The following CDH2 variants were observed in gnomAD, a reference collection of about 807,000 sequenced individuals.
CDH2 encodes the protein cadherin-2.
CDH2 carries 17 observed loss-of-function variants against 92.0 expected under a neutral mutation model. That is an observed-to-expected ratio of 0.18 (90% CI 0.13 to 0.28). The LOEUF (loss-of-function observed/expected upper bound fraction) is 0.28. Ranked by LOEUF, CDH2 falls within the 10% of genes least tolerant of loss-of-function variation. CDH2 has a pLI of 1.00. For synonymous variants in CDH2, 419 were observed against 415.9 expected, an observed-to-expected ratio of 1.01 and a Z score of -0.09; for missense variants, 862 against 1,133.1, an observed-to-expected ratio of 0.76 and a Z score of 3.44.
intron 2 of CDH2, among the ~76,000 whole-genome samples, chr18:28,029,489 T>C (rs2013639527): frequency 6.6e-6 from 1 of 152,074 alleles, no homozygotes; most frequent in Non-Finnish European, 1.5e-5. Flanking sequence ...TTCCCTCTCT[T>C]TGTTATACCC....
At chr18:28,080,871 T>C (rs1018232571) in intron 2 of CDH2, among the ~76,000 whole-genome samples, 1 of 152,206 alleles carries the variant, frequency 6.6e-6, no homozygotes, top group African/African-American at 2.4e-5. Flanking sequence ...CCAGATTTCC[T>C]GTGATATACA....
At chr18:28,173,810 CATTG>C (rs2016498118) in intron 1 of CDH2, among the ~76,000 whole-genome samples, 1 of 152,090 alleles carries the variant, frequency 6.6e-6, no homozygotes, top group Non-Finnish European at 1.5e-5. Flanking sequence ...GTAAAAGCAA[CATTG>C]ATTTTTTTTC....
At chr18:28,141,970 T>A (rs1213233245) in intron 2 of CDH2, among the ~76,000 whole-genome samples, 1 of 151,974 alleles carries the variant, frequency 6.6e-6, no homozygotes, top group Non-Finnish European at 1.5e-5. Context: ...TGACATTTGC[T>A]CAGACCATCC....
chr18:27,938,540 TTTTC>T (rs1353682679), intron 6 of CDH2, among the ~76,000 whole-genome samples: 2 of 152,174 alleles, frequency 1.3e-5, no homozygotes, highest in African/African-American at 4.8e-5. Flanking sequence ...TGGATTATCT[TTTTC>T]AATCAAAAGC....
intron 2 of CDH2, among the ~76,000 whole-genome samples, chr18:28,137,643 T>C (rs2015885740): frequency 6.6e-6 from 1 of 151,974 alleles, no homozygotes; most frequent in Non-Finnish European, 1.5e-5. Context: ...CCATAAGGGA[T>C]CTTTGTTCTA....
chr18:28,125,641 T>G (rs2015664652), intron 2 of CDH2, among the ~76,000 whole-genome samples: 1 of 152,172 alleles, frequency 6.6e-6, no homozygotes, highest in African/African-American at 2.4e-5. Flanking sequence ...TAAAAACCCC[T>G]AAATCATCAT....
At chr18:27,999,149 C>T (rs535476903) in intron 7 of CDH2, among the ~76,000 whole-genome samples, 6 of 152,174 alleles carry the variant, frequency 3.9e-5, no homozygotes, top group South Asian at 2.1e-4. Context: ...GCAGAGGAAA[C>T]GGGAACAGAA....
At chr18:27,950,536 G>C (rs1429251695), downstream of CDH2, among the ~76,000 whole-genome samples, 1 of 152,092 alleles carries the variant, frequency 6.6e-6, no homozygotes, top group East Asian at 1.9e-4. Flanking sequence ...AATTGCACAA[G>C]AATTCCAGGT....
intron 7 of CDH2, among the ~76,000 whole-genome samples, chr18:28,000,675 A>C (rs2012737466): frequency 6.6e-6 from 1 of 152,172 alleles, no homozygotes. Context: ...ATGGGAACAA[A>C]TGCTGAAGAC....
chr18:28,150,310 G>A (rs1015248432), intron 1 of CDH2, among the ~76,000 whole-genome samples: 1 of 152,184 alleles, frequency 6.6e-6, no homozygotes, highest in South Asian at 2.1e-4. Context: ...GGGCGTTCAG[G>A]GTAGTAGAGT....
At chr18:28,007,029 T>C (rs1311150581) in intron 5 of CDH2, among the ~76,000 whole-genome samples, 1 of 150,618 alleles carries the variant, frequency 6.6e-6, no homozygotes, top group East Asian at 2.0e-4. Flanking sequence ...AAAAATTAGC[T>C]GGGTGCCTGT....
At chr18:28,085,580 T>C (rs968427449) in intron 2 of CDH2, among the ~76,000 whole-genome samples, 1 of 152,170 alleles carries the variant, frequency 6.6e-6, no homozygotes, top group African/African-American at 2.4e-5. Context: ...GACTGCTACA[T>C]CTGCACCTTC....
intron 2 of CDH2, among the ~76,000 whole-genome samples, chr18:28,034,827 A>C (rs908147659): frequency 9.9e-5 from 15 of 152,092 alleles, no homozygotes; most frequent in Non-Finnish European, 1.9e-4. Context: ...AAATCCTTGA[A>C]GTTCAAACAA....
chr18:28,024,679 C>A (rs933654913), intron 2 of CDH2, among the ~76,000 whole-genome samples: 1 of 151,512 alleles, frequency 6.6e-6, no homozygotes, highest in African/African-American at 2.4e-5. Context: ...TTACTGTTCT[C>A]TTTAGTAATT....
intron 2 of CDH2, among the ~76,000 whole-genome samples, chr18:28,024,254 T>C (rs954285262): frequency 6.6e-6 from 1 of 152,062 alleles, no homozygotes; most frequent in Non-Finnish European, 1.5e-5. Context: ...GAATCATCAT[T>C]ATATTGCCCA....
intron 2 of CDH2, among the ~76,000 whole-genome samples, chr18:28,122,430 C>T (rs2015606191): frequency 6.6e-6 from 1 of 152,110 alleles, no homozygotes; most frequent in East Asian, 1.9e-4. Context: ...TTATTACATA[C>T]TGGCTTTTGT....
chr18:28,064,284 T>G (rs1284776185), intron 2 of CDH2, among the ~76,000 whole-genome samples: 3 of 152,088 alleles, frequency 2.0e-5, no homozygotes, highest in African/African-American at 7.2e-5. Flanking sequence ...TAACAGTTTA[T>G]TTTTTTAAGA....
intron 14 of CDH2, among the ~76,000 whole-genome samples, chr18:27,977,445 G>A (rs530998557): frequency 1.5e-5 from 2 of 129,384 alleles, no homozygotes; most frequent in Non-Finnish European, 3.7e-5. Context: ...CCTTGACATA[G>A]AACTTATACA....
intron 14 of CDH2, 146 bp downstream of exon 14, chr18:27,982,798 T>G (rs1232393303): frequency 2.2e-6 from 1 of 453,702 alleles, no homozygotes; most frequent in African/African-American, 2.0e-5. Context: ...TTGAGAAATA[T>G]TCAACACACA....
Sources: gnomAD v4.1 joint callset for allele counts (sites outside exome capture counted in the v4.1 genomes callset) on GRCh38, gnomAD v4.1.1 for gene constraint, MANE v1.5 for transcripts, NCBI Gene and HGNC (gene_info 2026-07-23, HGNC 2026-07-21) for gene names.